TAX1BP1: variants seen among roughly 807,000 people sequenced by gnomAD.
TAX1BP1 encodes tax1-binding protein 1.
A neutral mutation model predicts 97.7 loss-of-function variants in TAX1BP1; 62 were observed. The observed-to-expected ratio is 0.63, with a 90% confidence interval of 0.52 to 0.78. The LOEUF (loss-of-function observed/expected upper bound fraction) is 0.78, where lower values mean the gene tolerates loss of function less well. TAX1BP1 is among the 30% of genes least tolerant of loss of function. The probability of loss-of-function intolerance (pLI) is 0.00; values close to 1 mark genes in which losing one functional copy is unlikely to be tolerated. For synonymous variants in TAX1BP1, 340 were observed against 304.2 expected, an observed-to-expected ratio of 1.12 and a Z score of -1.23; for missense variants, 867 against 916.1, an observed-to-expected ratio of 0.95 and a Z score of 0.69.
At chr7:27,815,407 T>C (rs1169765657) in intron 13 of TAX1BP1, among the ~76,000 whole-genome samples, 1 of 152,204 alleles carries the variant, frequency 6.6e-6, no homozygotes, top group Non-Finnish European at 1.5e-5. Context: ...CTTTTTCCCC[T>C]TTATTAAAAG....
intron 5 of TAX1BP1, among the ~76,000 whole-genome samples, chr7:27,782,383 G>GCA (rs1466508976): frequency 6.6e-6 from 1 of 151,894 alleles, no homozygotes; most frequent in African/African-American, 2.4e-5. Flanking sequence ...GGGACTACAG[G>GCA]CACACACCAC....
At position 27,802,351 on chromosome 7, in the gene TAX1BP1, C is replaced by T. The variant is rs73295596; in HGVS notation, c.1764+2261C>T. Among the ~76,000 whole-genome samples the T allele has an allele frequency of 7.5e-3, 1,139 of 152,284 alleles. 15 individuals carry two copies. The highest frequency in any genetic ancestry group is 0.026 in the African/African-American group (1,094 of 41,556). On this transcript the variant is annotated intron_variant, in intron 13 of 16. Transcript: ENST00000396319. The stretch of plus-strand genomic sequence containing the variant: ...TAGAATGAATTGATAAAGACCACCT[C>T]CTTTTGGGTACCTTCCCTGATCACC...
At chr7:27,753,663 G>T (rs562754444) in intron 2 of TAX1BP1, among the ~76,000 whole-genome samples, 2 of 151,910 alleles carry the variant, frequency 1.3e-5, no homozygotes, top group African/African-American at 2.4e-5. Flanking sequence ...TAGAACAATT[G>T]TAACATGAAA....
chr7:27,785,608 C>CT (rs1033088838), intron 7 of TAX1BP1, 119 bp downstream of exon 7: 1 of 784,660 alleles, frequency 1.3e-6, no homozygotes, highest in Non-Finnish European at 2.1e-6. Flanking sequence ...GCTCTAGCCT[C>CT]TTGTGTAGTT....
intron 13 of TAX1BP1, among the ~76,000 whole-genome samples, chr7:27,814,339 CA>C (rs1471869364): frequency 6.6e-6 from 1 of 152,106 alleles, no homozygotes; most frequent in Non-Finnish European, 1.5e-5. Context: ...CTGCTTTTTA[CA>C]TATGGGCTAT....
At chr7:27,753,733 A>G (rs1788106117) in intron 2 of TAX1BP1, among the ~76,000 whole-genome samples, 2 of 151,808 alleles carry the variant, frequency 1.3e-5, no homozygotes, top group Admixed American at 6.6e-5. Context: ...AATTTTGAAT[A>G]ATCAGATCTT....
chr7:27,754,818 C>G (rs191608764), intron 2 of TAX1BP1, among the ~76,000 whole-genome samples: 2 of 151,998 alleles, frequency 1.3e-5, no homozygotes, highest in Non-Finnish European at 2.9e-5. Context: ...CTCCTGACCT[C>G]GTGATCCCCC....
At chr7:27,807,934 T>A (rs1392009758) in intron 13 of TAX1BP1, among the ~76,000 whole-genome samples, 2 of 152,194 alleles carry the variant, frequency 1.3e-5, no homozygotes. Context: ...TCAGATTGTA[T>A]CAGATTTAAC....
intron 15 of TAX1BP1, among the ~76,000 whole-genome samples, chr7:27,818,237 T>A (rs1562744062): frequency 6.6e-6 from 1 of 152,196 alleles, no homozygotes; most frequent in Non-Finnish European, 1.5e-5. Flanking sequence ...AGAAGCAGTG[T>A]TAGAGTCTTG....
At chr7:27,770,507 T>G (rs983187705) in intron 5 of TAX1BP1, among the ~76,000 whole-genome samples, 3 of 152,126 alleles carry the variant, frequency 2.0e-5, no homozygotes, top group Non-Finnish European at 2.9e-5. Context: ...ATCTTATATA[T>G]TACAGTCTCA....
chr7:27,763,629 G>C (rs1353459932), intron 3 of TAX1BP1, among the ~76,000 whole-genome samples: 2 of 152,144 alleles, frequency 1.3e-5, no homozygotes, highest in Non-Finnish European at 2.9e-5. Flanking sequence ...TTCGCTGGGC[G>C]TGATGGCGTG....
chr7:27,799,953 A>G lies in TAX1BP1; in HGVS notation c.1639-12A>G, dbSNP rs767810075. On this transcript the variant is annotated splice_polypyrimidine_tract_variant and intron_variant, in intron 12 of 16. Transcript: ENST00000396319. The stretch of plus-strand genomic sequence containing the variant: ...TTTAAAATCTTTTGGTAATTATACT[A>G]ATTTCATTTAGGATGAGAAAGCAAA... 6.3e-7 allele frequency: 1 copy of G among 1,583,092 alleles called. No individual in the cohort carries two copies. The highest frequency in any genetic ancestry group is 1.9e-5 in the Admixed American group (1 of 54,002).
chr7:27,796,700 A>G (rs1339225977), intron 12 of TAX1BP1, among the ~76,000 whole-genome samples: 2 of 151,954 alleles, frequency 1.3e-5, no homozygotes, highest in African/African-American at 4.8e-5. Context: ...TGTCTGTACT[A>G]AAAATACAAA....
At chr7:27,761,349 A>T (rs1189825869) in intron 3 of TAX1BP1, among the ~76,000 whole-genome samples, 1 of 152,180 alleles carries the variant, frequency 6.6e-6, no homozygotes, top group Non-Finnish European at 1.5e-5. Context: ...GTCTGAGTTC[A>T]TAGTTTACAT....
rs528702877 is a variant in TAX1BP1, at chr7:27,829,377, T to C, written c.*548T>C. On this transcript the variant is annotated 3_prime_UTR_variant, in exon 17 of 17. Coordinates refer to ENST00000396319, the MANE Select transcript of TAX1BP1 (RefSeq NM_006024.7). ...TAGAATGAGATCACATGCTTTTATA[T>C]GTGAAATATTGGTTTTAGCAATTAA... 26 of 152,358 alleles carry C rather than the reference T, an allele frequency of 1.7e-4. No individual in the cohort carries two copies. Among genetic ancestry groups the C allele is most frequent in the African/African-American group, 5.8e-4 (24 of 41,596 alleles). 9.4% of individuals were successfully genotyped at this position (152,358 alleles called of 1,614,324 possible). A position where few individuals can be genotyped will look rare whatever the true frequency, so the allele number is the denominator to read the frequency against.
In TAX1BP1 at chr7:27,794,365, C is replaced by T. The variant is rs768281843; in HGVS notation, c.1453C>T (p.Gln485Ter). The change falls in exon 11 of 17, where the codon CAG becomes TAG. Residue 485 changes from glutamine to a stop codon, truncating the protein, a stop_gained. Coordinates refer to ENST00000396319, the MANE Select transcript of TAX1BP1 (RefSeq NM_006024.7). LOFTEE classifies it high-confidence loss of function. ...CTTCACAAAGAAAACGGGGAATCAG[C>T]AGAAAGTGAATGATGCTTCAGTAAA... ...NVFTKKTGNQ[Q>*]KVNDASVNTD... 2.5e-6 allele frequency: 4 copies of T among 1,613,108 alleles called. No individual in the cohort carries two copies. The highest frequency in any genetic ancestry group is 3.4e-6 in the Non-Finnish European group (4 of 1,179,470).
At chr7:27,783,894 G>GT (rs1484356278) in intron 5 of TAX1BP1, among the ~76,000 whole-genome samples, 1 of 151,994 alleles carries the variant, frequency 6.6e-6, no homozygotes, top group Non-Finnish European at 1.5e-5. Flanking sequence ...AATATTATTT[G>GT]TTTTTTTCTC....
rs560645984 is a variant in TAX1BP1 at position 27,812,452 on chromosome 7, C to T, written c.1765-3897C>T. 7.9e-5 allele frequency among the ~76,000 whole-genome samples: 12 copies of T among 152,068 alleles called. No individual in the cohort carries two copies. The South Asian group carries it at 2.5e-3, about 32-fold the overall frequency. ...CTGTGATTTCTTTTTTCCTTTTTTA[C>T]AACATTATCTTTTGAAAAGCAAAAG... On this transcript the variant is annotated intron_variant, in intron 13 of 16. Transcript: ENST00000396319.
At chr7:27,745,728 CAG>C (rs35693130) in intron 1 of TAX1BP1, among the ~76,000 whole-genome samples, 11,181 of 151,956 alleles carry the variant, frequency 0.074, 586 homozygotes, top group East Asian at 0.14. Flanking sequence ...ATGTGAAATT[CAG>C]GGGAGGGTTT....
Sources: allele counts gnomAD v4.1 joint callset (sites outside exome capture counted in the v4.1 genomes callset), GRCh38; gene constraint gnomAD v4.1.1; transcripts MANE v1.5; gene names NCBI Gene and HGNC (gene_info 2026-07-23, HGNC 2026-07-21).